Variants in ADCY2 observed in about 807,000 individuals in gnomAD.
The protein encoded by ADCY2 is adenylate cyclase 2, also known as adenylate cyclase type 2.
In ADCY2, 31 loss-of-function variants were observed where a neutral mutation model predicts 125.2. That is an observed-to-expected ratio of 0.25 (90% CI 0.19 to 0.33). The LOEUF (loss-of-function observed/expected upper bound fraction) is 0.33, where lower values mean the gene tolerates loss of function less well. Ranked by LOEUF, ADCY2 falls within the 10% of genes least tolerant of loss-of-function variation. The pLI, the probability that ADCY2 is intolerant of heterozygous loss-of-function variation, is 1.00. For synonymous variants in ADCY2, 512 were observed against 548.4 expected (o/e 0.93, Z 0.93); for missense variants, 904 against 1,418.2 (o/e 0.64, Z 5.82).
intron 3 of ADCY2, among the ~76,000 whole-genome samples, chr5:7,559,725 G>A (rs1286161091): frequency 6.6e-6 from 1 of 152,162 alleles, no homozygotes; most frequent in Non-Finnish European, 1.5e-5. Context: ...AATAGAAGTG[G>A]TGAGAGAGGA....
chr5:7,685,338 T>C (rs571081812), intron 4 of ADCY2: 1 of 152,330 alleles, frequency 6.6e-6, no homozygotes, highest in East Asian at 1.9e-4. Flanking sequence ...TACATGGACA[T>C]GGAGGCCTTC....
intron 5 of ADCY2, 68 bp downstream of exon 5, chr5:7,690,907 T>A (rs1222455055): frequency 7.1e-7 from 1 of 1,414,434 alleles, no homozygotes; most frequent in East Asian, 2.6e-5. Flanking sequence ...TTGCCTGGGA[T>A]CTCACACCTC....
intron 2 of ADCY2, among the ~76,000 whole-genome samples, chr5:7,464,412 C>T (rs1288381624): frequency 2.6e-5 from 4 of 152,164 alleles, no homozygotes; most frequent in Non-Finnish European, 5.9e-5. Flanking sequence ...ACCAGCCAAA[C>T]CATAGGTCAG....
chr5:7,767,568 G>A (rs934792473), intron 17 of ADCY2, among the ~76,000 whole-genome samples: 1 of 152,134 alleles, frequency 6.6e-6, no homozygotes, highest in Non-Finnish European at 1.5e-5. Context: ...TAATATGTAC[G>A]CTTTCAAAAT....
intron 3 of ADCY2, among the ~76,000 whole-genome samples, chr5:7,553,313 G>A (rs1735397561): frequency 6.6e-6 from 1 of 152,194 alleles, no homozygotes; most frequent in African/African-American, 2.4e-5. Context: ...CCACAGTGGC[G>A]TTCACTGCAG....
chr5:7,635,077 T>C (rs937645994), intron 4 of ADCY2, among the ~76,000 whole-genome samples: 4 of 152,158 alleles, frequency 2.6e-5, no homozygotes, highest in Admixed American at 1.3e-4. Flanking sequence ...TTGAGAAACA[T>C]AGGGGTCAGT....
chr5:7,725,293 A>G (rs1468459300), intron 13 of ADCY2, among the ~76,000 whole-genome samples: 1 of 152,216 alleles, frequency 6.6e-6, no homozygotes, highest in Non-Finnish European at 1.5e-5. Flanking sequence ...AATTTGCATC[A>G]TCCAACTATA....
chr5:7,500,504 C>G (rs1385810350), intron 2 of ADCY2, among the ~76,000 whole-genome samples: 1 of 152,122 alleles, frequency 6.6e-6, no homozygotes, highest in Non-Finnish European at 1.5e-5. Flanking sequence ...ACAGTGTGTC[C>G]CCGTGCTATG....
chr5:7,727,145 G>T lies in ADCY2; in HGVS notation c.1774-19G>T, dbSNP rs768706196. The T allele has an allele frequency of 3.1e-5, 50 of 1,593,768 alleles. No individual in the cohort carries two copies. The highest frequency in any genetic ancestry group is 4.0e-5 in the African/African-American group (3 of 74,442). Reference sequence around the variant, plus strand: ...TCTCTTGGAGAACTGTCACTCACAGGTTCCTTTCTCCCCCTCAGTACCGGG... The same window carrying T: ...TCTCTTGGAGAACTGTCACTCACAGTTTCCTTTCTCCCCCTCAGTACCGGG... On this transcript the variant is annotated intron_variant, in intron 13 of 24. Transcript: ENST00000338316.
chr5:7,487,661 C>T lies in ADCY2; in HGVS notation c.409-33077C>T, dbSNP rs529037427. On this transcript the variant is annotated intron_variant, in intron 2 of 24. Coordinates refer to ENST00000338316, the MANE Select transcript of ADCY2 (RefSeq NM_020546.3). The stretch of plus-strand genomic sequence containing the variant: ...TTGTTCAGTGGCAAAGCACTTGGTT[C>T]CCCATGAAGTCATTATTTTCTTCCC... Among the ~76,000 whole-genome samples, 4 of 152,220 alleles carry T rather than the reference C, an allele frequency of 2.6e-5. No homozygotes were observed. In the South Asian group the frequency reaches 8.3e-4, roughly 32 times the overall value.
At chr5:7,809,571 T>C (rs1209795169) in intron 22 of ADCY2, among the ~76,000 whole-genome samples, 2 of 152,232 alleles carry the variant, frequency 1.3e-5, no homozygotes, top group Non-Finnish European at 2.9e-5. Context: ...TTACAAAATA[T>C]ATAGGGTAAC....
chr5:7,693,245 C>A (rs1299272045), intron 5 of ADCY2, among the ~76,000 whole-genome samples: 1 of 151,984 alleles, frequency 6.6e-6, no homozygotes, highest in Admixed American at 6.6e-5. Context: ...TTCTAACTGA[C>A]CTGCCTGCGT....
chr5:7,777,213 T>A (rs528983037), intron 18 of ADCY2, among the ~76,000 whole-genome samples: 1 of 152,264 alleles, frequency 6.6e-6, no homozygotes, highest in East Asian at 1.9e-4. Flanking sequence ...AAGGTACCCA[T>A]CCTGGATGAA....
intron 3 of ADCY2, among the ~76,000 whole-genome samples, chr5:7,560,031 G>A (rs1735659342): frequency 6.6e-6 from 1 of 152,152 alleles, no homozygotes; most frequent in African/African-American, 2.4e-5. Flanking sequence ...ATCAGTTGTG[G>A]TTTATTCAAA....
rs112383782 is a variant in ADCY2 at position 7,498,484 on chromosome 5, G to C, written c.409-22254G>C. On this transcript the variant is annotated intron_variant, in intron 2 of 24. Transcript: ENST00000338316. Reference sequence around the variant, plus strand: ...AGGATGGTCTCGATCTCCTGACCTCGTGATCCGCCTGCTTCAGCCTCCCAA... The same window carrying C: ...AGGATGGTCTCGATCTCCTGACCTCCTGATCCGCCTGCTTCAGCCTCCCAA... Among the ~76,000 whole-genome samples, 983 of 152,030 alleles carry C rather than the reference G, an allele frequency of 6.5e-3. 14 individuals carry two copies. The highest frequency in any genetic ancestry group is 0.022 in the African/African-American group (926 of 41,466).
At chr5:7,724,836 G>A (rs977304970) in intron 13 of ADCY2, among the ~76,000 whole-genome samples, 2 of 151,830 alleles carry the variant, frequency 1.3e-5, no homozygotes, top group African/African-American at 4.8e-5. Flanking sequence ...CAACCCTCTC[G>A]ATAGTAAATG....
At chr5:7,756,157 C>G (rs1450592867) in intron 15 of ADCY2, among the ~76,000 whole-genome samples, 4 of 152,316 alleles carry the variant, frequency 2.6e-5, no homozygotes, top group Middle Eastern at 6.8e-3. Flanking sequence ...GCAAATTATG[C>G]CCACGCAGCA....
intron 4 of ADCY2, among the ~76,000 whole-genome samples, chr5:7,651,042 G>C (rs574262674): frequency 6.6e-6 from 1 of 152,246 alleles, no homozygotes; most frequent in Non-Finnish European, 1.5e-5. Context: ...GCTTCTTCTA[G>C]ATTATGTAGC....
Position 7,709,349 on chromosome 5 carries a change from G to A in ADCY2, c.1540G>A (p.Asp514Asn). 1 of 1,611,610 alleles carries A rather than the reference G, an allele frequency of 6.2e-7. No individual in the cohort carries two copies. The highest frequency in any genetic ancestry group is 8.5e-7 in the Non-Finnish European group (1 of 1,178,956). The change falls in exon 10 of 25, where the codon GAC becomes AAC. Residue 514 changes from aspartate (D) to asparagine (N), a missense_variant. By Grantham distance (23) the Asp-to-Asn change is conservative. Around this residue, in one of 7 missense-constraint regions of ADCY2, gnomAD observed 144 missense variants for 227.7 expected, o/e 0.63. Coordinates refer to ENST00000338316, the MANE Select transcript of ADCY2 (RefSeq NM_020546.3). The surrounding 1 kb of genome is among the most constrained non-coding windows in gnomAD (Gnocchi z 4.4). The part of the protein sequence containing the change: ...AKPFAHLHHR[D>N]SMTTENGKIS... ...GCCCTTTGCACACCTACATCACAGG[G>A]ACAGCATGACCACAGAGAACGGCAA...
Sources: allele counts gnomAD v4.1 joint callset (sites outside exome capture counted in the v4.1 genomes callset), GRCh38; gene constraint gnomAD v4.1.1; regional missense constraint gnomAD v4.1.1; non-coding constraint Gnocchi (gnomAD v3.1); transcripts MANE v1.5; gene names NCBI Gene and HGNC (gene_info 2026-07-23, HGNC 2026-07-21).